Variants in UNG observed in about 807,000 individuals in gnomAD.
UNG encodes the protein uracil DNA glycosylase, also known as uracil-DNA glycosylase.
UNG carries 34 observed loss-of-function variants against 36.5 expected under a neutral mutation model. That is an observed-to-expected ratio of 0.93 (90% CI 0.71 to 1.24). The LOEUF (loss-of-function observed/expected upper bound fraction) is 1.24. UNG is among the 50% of genes most tolerant of loss of function. The pLI is 0.00. For missense variants in UNG, 391 were observed against 397.6 expected (o/e 0.98, Z 0.14); for synonymous variants, 172 against 157.8 (o/e 1.09, Z -0.67).
At chr12:109,100,862 A>T (rs1430818064) in intron 3 of UNG, among the ~76,000 whole-genome samples, 1 of 152,200 alleles carries the variant, frequency 6.6e-6, no homozygotes, top group Non-Finnish European at 1.5e-5. Context: ...CTGTGGAGGA[A>T]GATTCTAAGA....
At chr12:109,106,870 A>G (rs530828630) in intron 6 of UNG, among the ~76,000 whole-genome samples, 263 of 3,968 alleles carry the variant, frequency 0.066, 2 homozygotes, top group Middle Eastern at 0.25. Context: ...TATCTCAAAA[A>G]AAAAACATAT....
intron 6 of UNG, among the ~76,000 whole-genome samples, chr12:109,108,466 C>G (rs983442573): frequency 3.3e-5 from 5 of 151,994 alleles, no homozygotes; most frequent in Admixed American, 3.3e-4. Context: ...GACCTTGTCT[C>G]TAAAAAACAC....
At chr12:109,098,372 C>G in intron 1 of UNG, 60 bp from the exon 2 acceptor site, 3 of 1,601,812 alleles carry the variant, frequency 1.9e-6, no homozygotes, top group Non-Finnish European at 2.6e-6. Context: ...CCGGAAGCTG[C>G]GGACGCCTGG....
At chr12:109,109,695 A>C in intron 6 of UNG, 134 bp from the exon 7 acceptor site, 1 of 1,082,666 alleles carries the variant, frequency 9.2e-7, no homozygotes, top group South Asian at 1.4e-5. Context: ...AGGCAGGAGA[A>C]TCGCTTGAAC....
At position 109,110,164 on chromosome 12, in the gene UNG, C is replaced by G; in HGVS notation, c.*195C>G. The G allele has an allele frequency of 1.5e-6, 1 of 676,874 alleles. No homozygotes were observed. Among genetic ancestry groups the G allele is most frequent in the Non-Finnish European group, 2.5e-6 (1 of 402,796 alleles). The allele number at this position is 676,874 out of a possible 1,614,324, so 41.9% of individuals were successfully genotyped here. A position where few individuals can be genotyped will look rare whatever the true frequency, so the allele number is the denominator to read the frequency against. On this transcript the variant is annotated 3_prime_UTR_variant, in exon 7 of 7. Coordinates refer to ENST00000242576, the MANE Select transcript of UNG (RefSeq NM_080911.3). ...CAAACAACAAAGGCTACCCTTTGACCAAATGTCTTTCTCTGCAACATGGCT... is the reference window on the plus strand; with the variant it reads ...CAAACAACAAAGGCTACCCTTTGACGAAATGTCTTTCTCTGCAACATGGCT...
At chr12:109,106,905 G>GTGTGTATATATATA (rs1428379961) in intron 6 of UNG, among the ~76,000 whole-genome samples, 2 of 44,752 alleles carry the variant, frequency 4.5e-5, no homozygotes, top group African/African-American at 3.1e-4. Context: ...ATATATATAC[G>GTGTGTATATATATA]TATATATATA....
At chr12:109,099,077 CAT>C in intron 2 of UNG, 110 bp from the exon 3 acceptor site, 1 of 1,063,078 alleles carries the variant, frequency 9.4e-7, no homozygotes, top group Non-Finnish European at 1.4e-6. Flanking sequence ...TTGGACATAA[CAT>C]GACAAAGAAC....
Position 109,110,242 on chromosome 12 carries a change from T to C in UNG, c.*273T>C, listed in dbSNP as rs1339111530. The C allele has an allele frequency of 1.0e-5, 5 of 482,238 alleles. No homozygotes were observed. Among genetic ancestry groups the C allele is most frequent in the Non-Finnish European group, 1.9e-5 (5 of 264,672 alleles). 29.9% of individuals were successfully genotyped at this position (482,238 alleles called of 1,614,324 possible). A position where few individuals can be genotyped will look rare whatever the true frequency, so the allele number is the denominator to read the frequency against. ...GAGGTCAAATACTCAGTTGGCTCTC[T>C]TTATCTCCCTTGCCTTTATGGTGAA... On this transcript the variant is annotated 3_prime_UTR_variant, in exon 7 of 7. Transcript: ENST00000242576.
intron 6 of UNG, 129 bp downstream of exon 6, chr12:109,103,740 T>A: frequency 9.1e-7 from 1 of 1,101,804 alleles, no homozygotes; most frequent in Non-Finnish European, 1.3e-6. Flanking sequence ...TTATTTTCCC[T>A]TAGGCCTGTT....
At chr12:109,100,357 C>A (rs949986283) in intron 3 of UNG, among the ~76,000 whole-genome samples, 1 of 152,152 alleles carries the variant, frequency 6.6e-6, no homozygotes, top group Non-Finnish European at 1.5e-5. Flanking sequence ...GTTTCTTACC[C>A]GTTTTCCTCC....
Position 109,109,832 on chromosome 12 carries a change from C to A in UNG, c.805C>A (p.Arg269=), listed in dbSNP as rs143034537. Residue 269 remains arginine, a synonymous_variant, in exon 7 of 7, where the codon CGG becomes AGG. Coordinates refer to ENST00000242576, the MANE Select transcript of UNG (RefSeq NM_080911.3). The part of the protein sequence containing the change: ...QKKGSAIDRK[R]HHVLQTAHPS... ...ATTTATTCTTGATCTTTTTCAGAAG[C>A]GGCACCATGTACTACAGACGGCTCA... 13 of 1,613,362 alleles carry A rather than the reference C, an allele frequency of 8.1e-6. No individual in the cohort carries two copies. The highest frequency in any genetic ancestry group is 1.0e-5 in the Non-Finnish European group (12 of 1,179,920).
At chr12:109,109,450 A>T (rs1391333164) in intron 6 of UNG, among the ~76,000 whole-genome samples, 3 of 151,598 alleles carry the variant, frequency 2.0e-5, no homozygotes, top group Non-Finnish European at 4.4e-5. Flanking sequence ...ACAGGGTCTT[A>T]AAGTGCAACA....
At chr12:109,101,530 G>A (rs546726559) in intron 3 of UNG, among the ~76,000 whole-genome samples, 3 of 152,050 alleles carry the variant, frequency 2.0e-5, no homozygotes, top group East Asian at 2.0e-4. Flanking sequence ...ACATAAGGGA[G>A]GCCGTGTGTC....
chr12:109,099,619 T>TAC (rs1314530440), intron 3 of UNG, among the ~76,000 whole-genome samples: 1 of 81,008 alleles, frequency 1.2e-5, no homozygotes, highest in East Asian at 2.4e-4. Context: ...TGCAGCTTGT[T>TAC]ATAGTCAACC....
In UNG at chr12:109,097,750, C is replaced by A; in HGVS notation, c.71C>A (p.Pro24His). Residue 24 changes from proline (P) to histidine (H), a missense_variant, in exon 1 of 7, where the codon CCC becomes CAC. Coordinates refer to ENST00000242576, the MANE Select transcript of UNG (RefSeq NM_080911.3). ...GCCAGGAAGCGACACGCCCCCAGCC[C>A]CGAGCCGGCCGTCCAGGGGACCGGC... Reference protein sequence around the residue: ...SPARKRHAPSPEPAVQGTGVA... With the variant: ...SPARKRHAPSHEPAVQGTGVA... 6.4e-7 allele frequency: 1 copy of A among 1,573,904 alleles called. No homozygotes were observed. The highest frequency in any genetic ancestry group is 1.8e-5 in the Admixed American group (1 of 54,524).
At chr12:109,109,152 G>A (rs2042240792) in intron 6 of UNG, among the ~76,000 whole-genome samples, 1 of 152,194 alleles carries the variant, frequency 6.6e-6, no homozygotes, top group African/African-American at 2.4e-5. Flanking sequence ...TTTCCAAGAT[G>A]TTAACCCCAT....
At chr12:109,103,032 ACCTCTG>A in intron 5 of UNG, 105 bp downstream of exon 5, 1 of 834,470 alleles carries the variant, frequency 1.2e-6, no homozygotes, top group East Asian at 2.6e-5. Flanking sequence ...GCTTACTGCA[ACCTCTG>A]CCTCCCAGGT....
chr12:109,106,931 AT>A lies in UNG; in HGVS notation c.802-2897del, dbSNP rs56887681. ...TATATATATATGTGTATATATATAT[AT>A]ATAAAAAATATTTTTACTGCATCTT... On this transcript the variant is annotated intron_variant, in intron 6 of 6. Coordinates refer to ENST00000242576, the MANE Select transcript of UNG (RefSeq NM_080911.3). Among the ~76,000 whole-genome samples the A allele has an allele frequency of 9.8e-3, 957 of 97,426 alleles. 72 individuals are homozygous for A. The highest frequency in any genetic ancestry group is 0.04 in the East Asian group (113 of 2,834). The allele number at this position is 97,426 out of a possible 152,430, so 63.9% of individuals were successfully genotyped here.
At chr12:109,100,317 AT>A (rs2042167189) in intron 3 of UNG, among the ~76,000 whole-genome samples, 1 of 152,172 alleles carries the variant, frequency 6.6e-6, no homozygotes, top group African/African-American at 2.4e-5. Context: ...GCTACGATGC[AT>A]TTAGCACCTG....
Sources: gnomAD v4.1 joint callset for allele counts (sites outside exome capture counted in the v4.1 genomes callset) on GRCh38, gnomAD v4.1.1 for gene constraint, MANE v1.5 for transcripts, NCBI Gene and HGNC (gene_info 2026-07-23, HGNC 2026-07-21) for gene names.